Variants in LCLAT1 observed in about 807,000 individuals in gnomAD.
LCLAT1 encodes the protein 1-AGP acyltransferase 8.
A neutral mutation model predicts 30.7 loss-of-function variants in LCLAT1; 11 were observed. That is an observed-to-expected ratio of 0.36 (90% CI 0.23 to 0.59). The LOEUF (loss-of-function observed/expected upper bound fraction) is 0.59, where lower values mean the gene tolerates loss of function less well. LCLAT1 is among the 20% of genes least tolerant of loss of function. The pLI is 0.77. For missense variants in LCLAT1, 402 were observed against 458.6 expected (o/e 0.88, Z 1.13); for synonymous variants, 155 against 151.3 (o/e 1.02, Z -0.18).
At chr2:30,489,530 T>G (rs1386149181) in intron 1 of LCLAT1, among the ~76,000 whole-genome samples, 4 of 152,268 alleles carry the variant, frequency 2.6e-5, no homozygotes, top group South Asian at 2.1e-4. Context: ...TTTTTTGTAT[T>G]TTTAGTAGAG....
chr2:30,575,900 A>G (rs1665974775), intron 5 of LCLAT1, among the ~76,000 whole-genome samples: 1 of 152,072 alleles, frequency 6.6e-6, no homozygotes, highest in Non-Finnish European at 1.5e-5. Flanking sequence ...CCCTGGGTTT[A>G]TTATATACTA....
intron 5 of LCLAT1, among the ~76,000 whole-genome samples, chr2:30,598,970 CTTTTT>C (rs954642694): frequency 8.3e-5 from 12 of 144,038 alleles, no homozygotes; most frequent in African/African-American, 2.3e-4. Context: ...GAGTGAGTTT[CTTTTT>C]TTTTTTCTTT....
intron 1 of LCLAT1, chr2:30,476,445 T>C (rs1236808912): frequency 2.2e-6 from 1 of 456,526 alleles, no homozygotes; most frequent in Non-Finnish European, 4.4e-6. Context: ...CCACCTCTGC[T>C]CAGATCCGCC....
At chr2:30,601,014 CTGTCT>C (rs1667157920) in intron 5 of LCLAT1, among the ~76,000 whole-genome samples, 2 of 151,922 alleles carry the variant, frequency 1.3e-5, no homozygotes, top group African/African-American at 2.4e-5. Flanking sequence ...TCTTAAATGC[CTGTCT>C]TATTTCAGCA....
intron 5 of LCLAT1, among the ~76,000 whole-genome samples, chr2:30,575,411 A>T (rs576158326): frequency 4.2e-4 from 64 of 152,240 alleles, no homozygotes; most frequent in African/African-American, 7.5e-4. Context: ...TTTAAAGATG[A>T]CCTAATTTTA....
chr2:30,640,369 T>C lies in LCLAT1; in HGVS notation c.881T>C (p.Val294Ala), dbSNP rs745655993. 1 of 1,614,220 alleles carries C rather than the reference T, an allele frequency of 6.2e-7. No individual in the cohort carries two copies. Among genetic ancestry groups the C allele is most frequent in the Admixed American group, 1.7e-5 (1 of 60,032 alleles). ...EKNFYFTGQS[V>A]IPPCKSELRV... ...AATTTTTATTTTACCGGACAGAGTG[T>C]CATTCCACCTTGCAAGTCTGAACTC... The change falls in exon 6 of 6, where the codon GTC (valine) becomes GCC (alanine). Residue 294 changes from valine to alanine, a missense_variant. Transcript: ENST00000379509.
chr2:30,478,363 A>C (rs1683147336), intron 1 of LCLAT1, among the ~76,000 whole-genome samples: 1 of 152,186 alleles, frequency 6.6e-6, no homozygotes, highest in Non-Finnish European at 1.5e-5. Context: ...ATTTAAATGC[A>C]GAGTTTTAGC....
intron 1 of LCLAT1, among the ~76,000 whole-genome samples, chr2:30,512,407 T>C (rs1684981443): frequency 6.6e-6 from 1 of 152,178 alleles, no homozygotes; most frequent in Admixed American, 6.6e-5. Context: ...TTTTCTTTTG[T>C]CTGCCTCAAG....
intron 3 of LCLAT1, among the ~76,000 whole-genome samples, chr2:30,556,575 A>G (rs2148431670): frequency 6.6e-6 from 1 of 152,302 alleles, no homozygotes; most frequent in Admixed American, 6.5e-5. Context: ...TCATAAAGAC[A>G]AGAAATTCTC....
At chr2:30,530,914 A>G (rs953248685) in intron 2 of LCLAT1, among the ~76,000 whole-genome samples, 8 of 152,186 alleles carry the variant, frequency 5.3e-5, no homozygotes, top group African/African-American at 1.4e-4. Flanking sequence ...TAGGTATCAT[A>G]TATTAGAGAT....
chr2:30,475,749 C>G (rs1023535843), intron 1 of LCLAT1, among the ~76,000 whole-genome samples: 11 of 152,144 alleles, frequency 7.2e-5, no homozygotes, highest in African/African-American at 2.7e-4. Flanking sequence ...GTGATGCCCT[C>G]TAGTGAATTC....
At chr2:30,555,185 T>G (rs1333251717) in intron 3 of LCLAT1, among the ~76,000 whole-genome samples, 1 of 152,158 alleles carries the variant, frequency 6.6e-6, no homozygotes, top group East Asian at 1.9e-4. Context: ...CTAGCCATAT[T>G]CAATGATAGA....
intron 1 of LCLAT1, among the ~76,000 whole-genome samples, chr2:30,524,830 T>G (rs1024342677): frequency 2.0e-5 from 3 of 152,104 alleles, no homozygotes; most frequent in African/African-American, 7.3e-5. Context: ...ATGTATGTAA[T>G]GTATATGTAG....
intron 1 of LCLAT1, among the ~76,000 whole-genome samples, chr2:30,503,075 C>T (rs925143711): frequency 9.2e-5 from 14 of 152,304 alleles, no homozygotes; most frequent in African/African-American, 3.4e-4. Flanking sequence ...TTAGAACTTT[C>T]TAGGAAAGGG....
chr2:30,593,942 A>T (rs79366206), intron 5 of LCLAT1, among the ~76,000 whole-genome samples: 1 of 149,730 alleles, frequency 6.7e-6, no homozygotes, highest in South Asian at 2.1e-4. Context: ...AAAAAAAGAC[A>T]TGTAAAATTC....
At chr2:30,523,822 C>T (rs1014698303) in intron 1 of LCLAT1, among the ~76,000 whole-genome samples, 3 of 152,170 alleles carry the variant, frequency 2.0e-5, no homozygotes, top group Admixed American at 6.5e-5. Flanking sequence ...GAGCCCAGAT[C>T]GCACCACTGT....
chr2:30,454,875 G>C (rs182112753), intron 1 of LCLAT1, among the ~76,000 whole-genome samples: 239 of 152,316 alleles, frequency 1.6e-3, no homozygotes, highest in African/African-American at 5.4e-3. Context: ...AAATAATCTA[G>C]AGGACTCCAA....
At chr2:30,475,603 A>T (rs1005544714) in intron 1 of LCLAT1, among the ~76,000 whole-genome samples, 5 of 152,172 alleles carry the variant, frequency 3.3e-5, no homozygotes, top group African/African-American at 1.2e-4. Flanking sequence ...ATTTTAATGC[A>T]TGTTTAAATA....
At chr2:30,557,322 GTGTGTA>G (rs1572621740) in intron 3 of LCLAT1, among the ~76,000 whole-genome samples, 1 of 150,142 alleles carries the variant, frequency 6.7e-6, no homozygotes, top group Non-Finnish European at 1.5e-5. Context: ...GTGTGTGTGT[GTGTGTA>G]TGACCAGTCT....
Sources: gnomAD v4.1 joint callset for allele counts (sites outside exome capture counted in the v4.1 genomes callset) on GRCh38, gnomAD v4.1.1 for gene constraint, MANE v1.5 for transcripts, NCBI Gene and HGNC (gene_info 2026-07-23, HGNC 2026-07-21) for gene names.